Variants in CDH6 observed in about 807,000 individuals in gnomAD.
CDH6 encodes cadherin 6.
In CDH6, 31 loss-of-function variants were observed where a neutral mutation model predicts 78.0. The observed-to-expected ratio is 0.40, with a 90% CI of 0.30 to 0.54. The LOEUF is 0.54. CDH6 is among the 20% of genes least tolerant of loss of function. The pLI, the probability that CDH6 is intolerant of heterozygous loss-of-function variation, is 0.56. For missense variants in CDH6, 724 were observed against 975.9 expected (o/e 0.74, Z 3.44); for synonymous variants, 376 against 368.8 (o/e 1.02, Z -0.23).
At chr5:31,222,537 T>A (rs1741032326) in intron 1 of CDH6, among the ~76,000 whole-genome samples, 1 of 152,154 alleles carries the variant, frequency 6.6e-6, no homozygotes, top group Non-Finnish European at 1.5e-5. Context: ...TGCTGATGAT[T>A]CAGATATCAG....
At chr5:31,313,854 T>C (rs910421086) in intron 8 of CDH6, among the ~76,000 whole-genome samples, 2 of 152,216 alleles carry the variant, frequency 1.3e-5, no homozygotes, top group African/African-American at 4.8e-5. Flanking sequence ...GGGCATTGTT[T>C]AGAAAATTTT....
chr5:31,230,687 C>T (rs1741288619), intron 1 of CDH6, among the ~76,000 whole-genome samples: 1 of 152,042 alleles, frequency 6.6e-6, no homozygotes, highest in South Asian at 2.1e-4. Flanking sequence ...ATTTAGAAAC[C>T]ATCTGCAGAA....
chr5:31,205,571 CCT>C (rs1198632859), intron 1 of CDH6, among the ~76,000 whole-genome samples: 73 of 152,300 alleles, frequency 4.8e-4, no homozygotes, highest in African/African-American at 1.7e-3. Context: ...AGAATGTACC[CCT>C]GAGTTTACAC....
chr5:31,275,509 C>A (rs879796592), intron 2 of CDH6, among the ~76,000 whole-genome samples: 1 of 152,152 alleles, frequency 6.6e-6, no homozygotes, highest in Non-Finnish European at 1.5e-5. Context: ...CCAGCTGCAT[C>A]CATGTTGTTA....
chr5:31,243,293 T>C (rs1007070383), intron 1 of CDH6, among the ~76,000 whole-genome samples: 1 of 152,078 alleles, frequency 6.6e-6, no homozygotes, highest in African/African-American at 2.4e-5. Context: ...GGGGCATGTC[T>C]TGCAAGGTAA....
intron 5 of CDH6, among the ~76,000 whole-genome samples, chr5:31,301,322 G>A (rs1402338265): frequency 6.6e-6 from 1 of 152,154 alleles, no homozygotes; most frequent in Non-Finnish European, 1.5e-5. Context: ...GAAAAGGGTA[G>A]AATAAGCCTT....
intron 2 of CDH6, among the ~76,000 whole-genome samples, chr5:31,274,595 A>G (rs929890636): frequency 6.6e-6 from 1 of 152,210 alleles, no homozygotes; most frequent in Non-Finnish European, 1.5e-5. Context: ...CGAGGCAGGC[A>G]TATCACTTGA....
At chr5:31,257,209 G>GC (rs200939504) in intron 1 of CDH6, among the ~76,000 whole-genome samples, 4,166 of 151,704 alleles carry the variant, frequency 0.027, 203 homozygotes, top group African/African-American at 0.096. Context: ...TGTCGCCCAG[G>GC]TGGAGTGCAG....
chr5:31,209,761 G>T (rs1183214178), intron 1 of CDH6, among the ~76,000 whole-genome samples: 3 of 152,152 alleles, frequency 2.0e-5, no homozygotes, highest in Non-Finnish European at 4.4e-5. Context: ...TTAGATCAGT[G>T]ATATAACCAA....
chr5:31,262,878 C>T (rs952567701), intron 1 of CDH6, among the ~76,000 whole-genome samples: 3 of 152,140 alleles, frequency 2.0e-5, no homozygotes, highest in Admixed American at 6.5e-5. Flanking sequence ...AACCGTTTCC[C>T]ACAGTTCTCA....
intron 1 of CDH6, among the ~76,000 whole-genome samples, chr5:31,200,462 T>C (rs1428013899): frequency 2.6e-5 from 4 of 151,874 alleles, no homozygotes; most frequent in African/African-American, 9.7e-5. Flanking sequence ...CTTCATCTAG[T>C]AAGTAAAAAT....
chr5:31,265,361 G>A (rs866900909), intron 1 of CDH6, among the ~76,000 whole-genome samples: 3 of 152,080 alleles, frequency 2.0e-5, no homozygotes, highest in African/African-American at 7.2e-5. Context: ...GCTAATTGTC[G>A]CAGTACTAAT....
At chr5:31,257,724 C>T (rs1742094609) in intron 1 of CDH6, among the ~76,000 whole-genome samples, 1 of 152,030 alleles carries the variant, frequency 6.6e-6, no homozygotes, top group Admixed American at 6.5e-5. Context: ...TTCAGCTACC[C>T]CCTCCCACTA....
At chr5:31,320,840 A>G (rs1738460130) in intron 11 of CDH6, among the ~76,000 whole-genome samples, 1 of 151,996 alleles carries the variant, frequency 6.6e-6, no homozygotes, top group Non-Finnish European at 1.5e-5. Flanking sequence ...TTAACTGTGC[A>G]TGGTGGTGGG....
chr5:31,306,507 C>T (rs748974177), intron 7 of CDH6, among the ~76,000 whole-genome samples: 14 of 152,128 alleles, frequency 9.2e-5, no homozygotes, highest in South Asian at 2.1e-4. Flanking sequence ...CGGTGGCTCA[C>T]GCCTGTAATC....
intron 1 of CDH6, among the ~76,000 whole-genome samples, chr5:31,212,315 G>A (rs1740730186): frequency 6.6e-6 from 1 of 152,074 alleles, no homozygotes; most frequent in South Asian, 2.1e-4. Flanking sequence ...CAACTTGGAG[G>A]TCCTGGGTAT....
At chr5:31,319,007 G>A (rs1458399431) in intron 11 of CDH6, 1 of 204,718 alleles carries the variant, frequency 4.9e-6, no homozygotes, top group Non-Finnish European at 1.0e-5. Context: ...TTTAAGATAT[G>A]CACATAAATA....
intron 7 of CDH6, among the ~76,000 whole-genome samples, chr5:31,306,145 G>A (rs1413539361): frequency 1.3e-5 from 2 of 152,156 alleles, no homozygotes; most frequent in Admixed American, 1.3e-4. Context: ...TTTTTCAAGT[G>A]TAGAAAAACC....
intron 1 of CDH6, among the ~76,000 whole-genome samples, chr5:31,252,341 G>GTGTGTGTGTGTGTT (rs1434108478): frequency 6.6e-6 from 1 of 151,880 alleles, no homozygotes; most frequent in East Asian, 1.9e-4. Context: ...GTGTGTGTGT[G>GTGTGTGTGTGTGTT]TGTGTGTGTG....
Sources: allele counts gnomAD v4.1 joint callset (sites outside exome capture counted in the v4.1 genomes callset), GRCh38; gene constraint gnomAD v4.1.1; transcripts MANE v1.5; gene names NCBI Gene and HGNC (gene_info 2026-07-23, HGNC 2026-07-21).